The following CHRM5 variants were observed in gnomAD, a reference collection of about 807,000 sequenced individuals.
The protein encoded by CHRM5 is muscarinic acetylcholine receptor M5.
A neutral mutation model predicts 39.0 loss-of-function variants in CHRM5; 18 were observed. That is an observed-to-expected ratio of 0.46 (90% confidence interval 0.32 to 0.68). CHRM5 has a LOEUF of 0.68. CHRM5 is among the 30% of genes least tolerant of loss of function. The probability of loss-of-function intolerance (pLI) is 0.04; values close to 1 mark genes in which losing one functional copy is unlikely to be tolerated. For synonymous variants in CHRM5, 241 were observed against 246.3 expected, an observed-to-expected ratio of 0.98 and a Z score of 0.20; for missense variants, 515 against 651.1, an observed-to-expected ratio of 0.79 and a Z score of 2.28.
chr15:34,038,960 G>T, intron 1 of CHRM5: 1 of 1,108,478 alleles, frequency 9.0e-7, no homozygotes, highest in South Asian at 3.9e-5. Flanking sequence ...CTGCGGCTCC[G>T]GGCCGCTCGC....
In CHRM5 at chr15:34,004,444, A is replaced by G. The variant is rs539250699; in HGVS notation, c.-408+35294A>G. Among the ~76,000 whole-genome samples, 32 of 152,362 alleles carry G rather than the reference A, an allele frequency of 2.1e-4. 1 individual carries two copies. The South Asian group carries it at 3.7e-3, about 18-fold the overall frequency. On this transcript the variant is annotated intron_variant, in intron 1 of 2. Coordinates refer to ENST00000383263, the MANE Select transcript of CHRM5 (RefSeq NM_012125.4). The stretch of plus-strand genomic sequence containing the variant: ...AGAGCTTAAGGCATAATCAGTTGTA[A>G]TGTAGGGAACTTATTTGTACTGATT...
chr15:33,987,511 T>C (rs1896528914), intron 1 of CHRM5, among the ~76,000 whole-genome samples: 1 of 152,082 alleles, frequency 6.6e-6, no homozygotes, highest in Admixed American at 6.6e-5. Context: ...TCCACTCTCC[T>C]CCCCAGCTGC....
intron 2 of CHRM5, among the ~76,000 whole-genome samples, chr15:34,053,319 A>AAAAAAAT (rs775436850): frequency 3.6e-4 from 15 of 42,086 alleles, no homozygotes; most frequent in Non-Finnish European, 5.2e-4. Flanking sequence ...AAAAAAAAAA[A>AAAAAAAT]ATATATATAT....
At position 34,015,343 on chromosome 15, in the gene CHRM5, T is replaced by C. The variant is rs186304510; in HGVS notation, c.-407-31197T>C. Among the ~76,000 whole-genome samples, 899 of 151,856 alleles carry C rather than the reference T, an allele frequency of 5.9e-3. 4 individuals are homozygous for C. Among genetic ancestry groups the C allele is most frequent in the Admixed American group, 8.4e-3 (128 of 15,238 alleles). ...CTAAAAATACAAAAAATTAGCCAGG[T>C]GCGGTGGCGGGCACCTGTAGTCCAG... On this transcript the variant is annotated intron_variant, in intron 1 of 2. Coordinates refer to ENST00000383263, the MANE Select transcript of CHRM5 (RefSeq NM_012125.4).
chr15:34,053,315 A>AT (rs1288903070), intron 2 of CHRM5, among the ~76,000 whole-genome samples: 100 of 87,266 alleles, frequency 1.1e-3, no homozygotes, highest in Middle Eastern at 5.5e-3. Flanking sequence ...AAAAAAAAAA[A>AT]AAAAATATAT....
intron 1 of CHRM5, among the ~76,000 whole-genome samples, chr15:33,973,733 A>G (rs1317011542): frequency 1.3e-5 from 2 of 152,244 alleles, no homozygotes; most frequent in East Asian, 1.9e-4. Flanking sequence ...GTTGTCTGAC[A>G]TACGAAATTG....
chr15:33,989,049 T>G (rs908818664), intron 1 of CHRM5, among the ~76,000 whole-genome samples: 3 of 46,800 alleles, frequency 6.4e-5, no homozygotes, highest in African/African-American at 2.5e-4. Flanking sequence ...AAACCTTTCA[T>G]CATAAATCCT....
intron 2 of CHRM5, among the ~76,000 whole-genome samples, chr15:34,052,278 G>A (rs763907718): frequency 7.2e-5 from 11 of 152,004 alleles, no homozygotes; most frequent in Non-Finnish European, 1.0e-4. Context: ...TGCAGAAAAG[G>A]CTTTGAAAAA....
intron 1 of CHRM5, chr15:33,990,761 T>A (rs1054178204): frequency 6.6e-6 from 1 of 152,186 alleles, no homozygotes; most frequent in Non-Finnish European, 1.5e-5. Flanking sequence ...CAAGTATCAT[T>A]TTGATGACTT....
At chr15:34,022,916 G>A (rs780558162) in intron 1 of CHRM5, among the ~76,000 whole-genome samples, 4 of 152,174 alleles carry the variant, frequency 2.6e-5, no homozygotes, top group Admixed American at 6.5e-5. Flanking sequence ...GGCCGGGCGC[G>A]GTGGCTCACG....
intron 1 of CHRM5, among the ~76,000 whole-genome samples, chr15:34,000,517 T>C (rs1240159923): frequency 6.6e-6 from 1 of 152,228 alleles, no homozygotes; most frequent in African/African-American, 2.4e-5. Flanking sequence ...AAGTTTATGA[T>C]TGCACACCTA....
chr15:33,985,841 A>G (rs1008068034), intron 1 of CHRM5, among the ~76,000 whole-genome samples: 1 of 152,152 alleles, frequency 6.6e-6, no homozygotes, highest in Non-Finnish European at 1.5e-5. Context: ...AATGTTCAAA[A>G]ATAGAAGTTC....
intron 1 of CHRM5, among the ~76,000 whole-genome samples, chr15:34,031,295 C>T (rs1898801321): frequency 6.6e-6 from 1 of 150,516 alleles, no homozygotes; most frequent in African/African-American, 2.4e-5. Context: ...CTGTCTCAGC[C>T]TCCCGAGTAG....
chr15:34,028,014 T>C (rs1204180239), intron 1 of CHRM5, among the ~76,000 whole-genome samples: 1 of 152,138 alleles, frequency 6.6e-6, no homozygotes, highest in Non-Finnish European at 1.5e-5. Flanking sequence ...CTTAAGGCTC[T>C]GCACAGGCAG....
intron 2 of CHRM5, among the ~76,000 whole-genome samples, chr15:34,060,019 A>T (rs1480996056): frequency 6.6e-6 from 1 of 152,164 alleles, no homozygotes; most frequent in Admixed American, 6.5e-5. Context: ...GGAGAAAGCG[A>T]TTTCCACAGG....
chr15:34,008,086 G>A (rs1897441734), intron 1 of CHRM5, among the ~76,000 whole-genome samples: 1 of 151,998 alleles, frequency 6.6e-6, no homozygotes, highest in Non-Finnish European at 1.5e-5. Context: ...CAAAATTCTT[G>A]GAAGAAAAAA....
intron 1 of CHRM5, among the ~76,000 whole-genome samples, chr15:33,984,126 G>A (rs554434264): frequency 6.6e-6 from 1 of 152,096 alleles, no homozygotes; most frequent in East Asian, 1.9e-4. Flanking sequence ...TTGGAGAAAT[G>A]CAAATAAAGT....
intron 1 of CHRM5, among the ~76,000 whole-genome samples, chr15:33,983,061 C>T (rs6495419): frequency 0.26 from 39,955 of 151,006 alleles, 7,335 homozygotes; most frequent in African/African-American, 0.5. Context: ...TTCTGAGCAA[C>T]GGATTTTAGA....
intron 1 of CHRM5, among the ~76,000 whole-genome samples, chr15:34,022,868 T>C (rs904494289): frequency 6.6e-6 from 1 of 152,220 alleles, no homozygotes; most frequent in South Asian, 2.1e-4. Context: ...TGCTGAAAGC[T>C]TGCCTTTGGC....
Sources: allele counts gnomAD v4.1 joint callset (sites outside exome capture counted in the v4.1 genomes callset), GRCh38; gene constraint gnomAD v4.1.1; transcripts MANE v1.5; gene names NCBI Gene and HGNC (gene_info 2026-07-23, HGNC 2026-07-21).